PDZD8: variants seen among roughly 807,000 people sequenced by gnomAD.
PDZD8 encodes PDZ domain containing 8, also known as PDZ domain-containing protein 8.
PDZD8 carries 14 observed loss-of-function variants against 85.8 expected under a neutral mutation model. The ratio of observed to expected loss-of-function variants is 0.16; its 90% confidence interval spans 0.11 to 0.26. The LOEUF is 0.26. Ranked by LOEUF, PDZD8 falls within the 10% of genes least tolerant of loss-of-function variation. The probability of loss-of-function intolerance (pLI) is 1.00; values close to 1 mark genes in which losing one functional copy is unlikely to be tolerated. For missense variants in PDZD8, 1,197 were observed against 1,424.3 expected, an observed-to-expected ratio of 0.84 and a Z score of 2.57; for synonymous variants, 592 against 568.6, an observed-to-expected ratio of 1.04 and a Z score of -0.59.
At chr10:117,323,221 T>C (rs899098932) in intron 2 of PDZD8, among the ~76,000 whole-genome samples, 4 of 152,206 alleles carry the variant, frequency 2.6e-5, no homozygotes, top group Admixed American at 6.5e-5. Context: ...CTCCTTTTAA[T>C]TGGTATTCAG....
intron 1 of PDZD8, among the ~76,000 whole-genome samples, chr10:117,347,625 T>C (rs915019871): frequency 1.4e-5 from 2 of 146,540 alleles, no homozygotes; most frequent in East Asian, 4.2e-4. Flanking sequence ...TTTTACAGAG[T>C]TTGACTCTTT....
Position 117,307,916 on chromosome 10 carries a change from CAATT to C in PDZD8, c.1098+10952_1098+10955del, listed in dbSNP as rs533513308. On this transcript the variant is annotated intron_variant, in intron 3 of 4. Coordinates refer to ENST00000334464, the MANE Select transcript of PDZD8 (RefSeq NM_173791.5). ...TAGCTTATTCATTTTAAAGTACCTT[CAATT>C]AGTATATTATAGAACTTCACATTTA... Among the ~76,000 whole-genome samples, 79 of 152,100 alleles carry C rather than the reference CAATT, an allele frequency of 5.2e-4. 1 individual carries two copies. The highest frequency in any genetic ancestry group is 4.6e-3 in the South Asian group (22 of 4,820).
At chr10:117,366,881 T>C (rs1845099750) in intron 1 of PDZD8, among the ~76,000 whole-genome samples, 2 of 152,330 alleles carry the variant, frequency 1.3e-5, no homozygotes, top group South Asian at 2.1e-4. Flanking sequence ...ACTATTGAGA[T>C]TGCAACTGCA....
At chr10:117,306,164 G>A (rs1201217109) in intron 3 of PDZD8, among the ~76,000 whole-genome samples, 1 of 152,116 alleles carries the variant, frequency 6.6e-6, no homozygotes, top group Non-Finnish European at 1.5e-5. Context: ...TAAAGCAACT[G>A]GATGGTAAAT....
chr10:117,350,496 C>T (rs532411602), intron 1 of PDZD8, among the ~76,000 whole-genome samples: 2 of 151,266 alleles, frequency 1.3e-5, no homozygotes, highest in South Asian at 4.2e-4. Flanking sequence ...GAACTCCTGA[C>T]CTCATGATCC....
chr10:117,342,323 C>A (rs1025488288), intron 1 of PDZD8, among the ~76,000 whole-genome samples: 8 of 152,038 alleles, frequency 5.3e-5, no homozygotes, highest in Non-Finnish European at 8.8e-5. Flanking sequence ...TCACCCTACA[C>A]ATTGTCACTA....
intron 2 of PDZD8, among the ~76,000 whole-genome samples, chr10:117,319,296 T>C (rs1417948439): frequency 6.6e-6 from 1 of 151,838 alleles, no homozygotes; most frequent in Non-Finnish European, 1.5e-5. Flanking sequence ...AAACAGACTG[T>C]TGAATTTAAA....
intron 2 of PDZD8, among the ~76,000 whole-genome samples, chr10:117,334,804 G>C (rs1429553733): frequency 3.4e-4 from 52 of 151,994 alleles, no homozygotes; most frequent in Admixed American, 3.4e-3. Context: ...CCTGAAATTA[G>C]ACCACGTGAA....
intron 3 of PDZD8, among the ~76,000 whole-genome samples, chr10:117,294,327 C>CAAAAAAAAA (rs71013656): frequency 1.1e-4 from 16 of 142,486 alleles, no homozygotes; most frequent in African/African-American, 3.8e-4. Flanking sequence ...ACCAAAAAGA[C>CAAAAAAAAA]AAAAAAAAAA....
intron 1 of PDZD8, among the ~76,000 whole-genome samples, chr10:117,365,437 T>C (rs12243628): frequency 0.24 from 37,090 of 152,040 alleles, 5,124 homozygotes; most frequent in East Asian, 0.43. Context: ...GAAGAATAGT[T>C]CCCGAATTTA....
At chr10:117,359,863 T>C (rs1329954483) in intron 1 of PDZD8, among the ~76,000 whole-genome samples, 1 of 152,226 alleles carries the variant, frequency 6.6e-6, no homozygotes, top group Non-Finnish European at 1.5e-5. Flanking sequence ...AATTGTTCTA[T>C]TTATGAAATT....
At chr10:117,352,878 T>C (rs1332662522) in intron 1 of PDZD8, among the ~76,000 whole-genome samples, 1 of 151,896 alleles carries the variant, frequency 6.6e-6, no homozygotes, top group Non-Finnish European at 1.5e-5. Context: ...CAAAGGCAGT[T>C]TGGGGAAAGG....
chr10:117,303,481 T>C (rs908193749), intron 3 of PDZD8, among the ~76,000 whole-genome samples: 6 of 152,164 alleles, frequency 3.9e-5, no homozygotes, highest in Admixed American at 1.3e-4. Context: ...GACTATGCGA[T>C]AGAAAAGAAA....
In PDZD8 at chr10:117,283,583, C is replaced by T; in HGVS notation, c.3150G>A (p.Glu1050=). Residue 1050 remains glutamate (E), a synonymous_variant, in exon 5 of 5, where the codon GAG becomes GAA. Transcript: ENST00000334464. ...LDKLQNEIDQ[E]LEHNNSLVRE... ...TAACAAGGGAATTATTGTGTTCCAA[C>T]TCCTGATCAATTTCATTCTGTAGCT... is the stretch of plus-strand genomic sequence containing the variant. 1 of 1,614,176 alleles carries T rather than the reference C, an allele frequency of 6.2e-7. No individual in the cohort carries two copies. Among genetic ancestry groups the T allele is most frequent in the Non-Finnish European group, 8.5e-7 (1 of 1,180,020 alleles).
chr10:117,304,162 C>G (rs1843893198), intron 3 of PDZD8, among the ~76,000 whole-genome samples: 1 of 152,218 alleles, frequency 6.6e-6, no homozygotes, highest in Non-Finnish European at 1.5e-5. Context: ...AGAGGTGGAG[C>G]TGTCTAAGAC....
intron 3 of PDZD8, among the ~76,000 whole-genome samples, chr10:117,290,830 T>G (rs189349642): frequency 6.6e-6 from 1 of 151,678 alleles, no homozygotes; most frequent in African/African-American, 2.4e-5. Context: ...ATTCATAATA[T>G]GTGCTTTGGA....
chr10:117,318,817 C>A, intron 3 of PDZD8, 55 bp downstream of exon 3: 1 of 1,255,574 alleles, frequency 8.0e-7, no homozygotes, highest in African/African-American at 1.5e-5. Flanking sequence ...GTAATAAATG[C>A]ATGCTTATAA....
At chr10:117,295,874 A>G (rs963749030) in intron 3 of PDZD8, among the ~76,000 whole-genome samples, 2 of 152,176 alleles carry the variant, frequency 1.3e-5, no homozygotes, top group African/African-American at 2.4e-5. Flanking sequence ...AAATCTACAA[A>G]TAACACAAAA....
At chr10:117,288,733 C>T (rs1844708693) in intron 4 of PDZD8, among the ~76,000 whole-genome samples, 1 of 152,172 alleles carries the variant, frequency 6.6e-6, no homozygotes, top group Non-Finnish European at 1.5e-5. Context: ...GTCTCGAACT[C>T]CTGACCTCAG....
Sources: gnomAD v4.1 joint callset for allele counts (sites outside exome capture counted in the v4.1 genomes callset) on GRCh38, gnomAD v4.1.1 for gene constraint, MANE v1.5 for transcripts, NCBI Gene and HGNC (gene_info 2026-07-23, HGNC 2026-07-21) for gene names.